Variants in CORIN observed in about 807,000 individuals in gnomAD.
The protein encoded by CORIN is atrial natriuretic peptide-converting enzyme.
In CORIN, 117 loss-of-function variants were observed where a neutral mutation model predicts 125.3. The observed-to-expected ratio is 0.93, with a 90% CI of 0.80 to 1.09. CORIN has a LOEUF of 1.09. Among genes scored for constraint, CORIN ranks in the 50% least tolerant of loss-of-function variants. The pLI is 0.00. For synonymous variants in CORIN, 450 were observed against 466.4 expected (o/e 0.96, Z 0.45); for missense variants, 1,253 against 1,306.7 (o/e 0.96, Z 0.63).
At chr4:47,836,834 C>T (rs973333547) in intron 1 of CORIN, among the ~76,000 whole-genome samples, 2 of 152,162 alleles carry the variant, frequency 1.3e-5, no homozygotes, top group Non-Finnish European at 2.9e-5. Context: ...GGAACTGGGT[C>T]CCAGTAAGAT....
At chr4:47,626,982 T>C (rs1187325651) in intron 16 of CORIN, among the ~76,000 whole-genome samples, 1 of 123,870 alleles carries the variant, frequency 8.1e-6, no homozygotes, top group East Asian at 2.9e-4. Flanking sequence ...GTTGTTGTTG[T>C]TGTTGTTGTT....
At chr4:47,751,513 T>G (rs1024191900) in intron 4 of CORIN, among the ~76,000 whole-genome samples, 1 of 152,208 alleles carries the variant, frequency 6.6e-6, no homozygotes, top group Non-Finnish European at 1.5e-5. Flanking sequence ...CTCTAATATA[T>G]GGTAGATCTG....
At chr4:47,612,816 CAGAT>C (rs965413896) in intron 19 of CORIN, among the ~76,000 whole-genome samples, 4 of 152,176 alleles carry the variant, frequency 2.6e-5, no homozygotes, top group Non-Finnish European at 4.4e-5. Flanking sequence ...CATAAGGTGA[CAGAT>C]AGCAGGAAGA....
At chr4:47,664,929 G>T in intron 11 of CORIN, 103 bp downstream of exon 11, 1 of 662,262 alleles carries the variant, frequency 1.5e-6, no homozygotes, top group Non-Finnish European at 2.6e-6. Context: ...GATAAATGCA[G>T]AGCTCCTTAG....
intron 12 of CORIN, among the ~76,000 whole-genome samples, chr4:47,654,322 C>A (rs1723864999): frequency 6.7e-6 from 1 of 149,130 alleles, no homozygotes; most frequent in Admixed American, 6.9e-5. Context: ...GAACACCAAC[C>A]TGAACAGCAT....
intron 19 of CORIN, among the ~76,000 whole-genome samples, chr4:47,604,517 T>C (rs17572234): frequency 0.088 from 13,452 of 152,264 alleles, 680 homozygotes; most frequent in African/African-American, 0.13. Flanking sequence ...CCAACATTTA[T>C]TGAGGGCTTA....
intron 19 of CORIN, among the ~76,000 whole-genome samples, chr4:47,610,034 T>C (rs1449699135): frequency 6.6e-6 from 1 of 152,236 alleles, no homozygotes; most frequent in Non-Finnish European, 1.5e-5. Flanking sequence ...TTCTATGTCA[T>C]TGCTATTGTG....
chr4:47,648,494 A>C (rs780808023), intron 13 of CORIN, among the ~76,000 whole-genome samples: 8 of 152,088 alleles, frequency 5.3e-5, no homozygotes, highest in African/African-American at 1.4e-4. Flanking sequence ...TGCTTACTCT[A>C]TCTCTCATTT....
Position 47,735,764 on chromosome 4 carries a change from C to T in CORIN, c.799+8638G>A, listed in dbSNP as rs983535044. 9.2e-5 allele frequency among the ~76,000 whole-genome samples: 14 copies of T among 151,840 alleles called. No individual in the cohort carries two copies. In the East Asian group the frequency reaches 2.5e-3, roughly 27 times the overall value. ...TGAAACCACGTCTCTACTAAAAATA[C>T]AAAAAATTAGCCGGAAGTGGTGGTG... is the stretch of plus-strand genomic sequence containing the variant. On this transcript the variant is annotated intron_variant, in intron 5 of 21. Transcript: ENST00000273857.
intron 10 of CORIN, among the ~76,000 whole-genome samples, chr4:47,671,727 G>T (rs925638647): frequency 2.0e-5 from 3 of 152,148 alleles, no homozygotes; most frequent in Admixed American, 6.5e-5. Context: ...TGGGACTACA[G>T]GCGCCCGCCA....
intron 1 of CORIN, 37 bp downstream of exon 1, chr4:47,837,850 A>G (rs764152272): frequency 2.0e-5 from 31 of 1,584,696 alleles, no homozygotes; most frequent in Non-Finnish European, 2.6e-5. Context: ...AGGCCATCAC[A>G]CCTGGCTGCG....
At chr4:47,688,235 C>T (rs780213933) in intron 6 of CORIN, among the ~76,000 whole-genome samples, 7 of 152,138 alleles carry the variant, frequency 4.6e-5, no homozygotes, top group Non-Finnish European at 1.0e-4. Context: ...CCTGCTGCTG[C>T]CTTTTTTTGT....
intron 5 of CORIN, among the ~76,000 whole-genome samples, chr4:47,741,829 T>G (rs1428672573): frequency 6.6e-6 from 1 of 152,038 alleles, no homozygotes; most frequent in Non-Finnish European, 1.5e-5. Flanking sequence ...CTGTATGATT[T>G]AATTCATATT....
chr4:47,614,918 G>A lies in CORIN; in HGVS notation c.2540+8653C>T, dbSNP rs560058255. Among the ~76,000 whole-genome samples, 6 of 152,160 alleles carry A rather than the reference G, an allele frequency of 3.9e-5. No individual in the cohort carries two copies. In the South Asian group the frequency reaches 6.2e-4, roughly 16 times the overall value. On this transcript the variant is annotated intron_variant, in intron 19 of 21. Coordinates refer to ENST00000273857, the MANE Select transcript of CORIN (RefSeq NM_006587.4). ...GTACATAAACAAATAAGATTATCTC[G>A]GGCACTTAGAAGTAAAAAAATATAT... is the stretch of plus-strand genomic sequence containing the variant.
intron 5 of CORIN, chr4:47,706,516 C>T (rs2109768819): frequency 6.2e-7 from 1 of 1,611,518 alleles, no homozygotes; most frequent in Non-Finnish European, 8.5e-7. Context: ...TGATAAAGCG[C>T]GCCAACTGGG....
intron 4 of CORIN, among the ~76,000 whole-genome samples, chr4:47,749,474 A>G (rs1023034936): frequency 9.8e-5 from 15 of 152,308 alleles, no homozygotes; most frequent in African/African-American, 2.6e-4. Flanking sequence ...TCCAAGAATC[A>G]CATGAGCTTG....
rs541754126 is a variant in CORIN, at chr4:47,667,977, G to A, written c.1358-2714C>T. 2.0e-5 allele frequency among the ~76,000 whole-genome samples: 3 copies of A among 152,290 alleles called. No individual in the cohort carries two copies. The South Asian group carries it at 6.2e-4, about 32-fold the overall frequency. Reference sequence around the variant, plus strand: ...GGTACAGCCCCCAAGAATGGGATTAGTGCCCTTATAAAAGGGACCACACAG... The same window carrying A: ...GGTACAGCCCCCAAGAATGGGATTAATGCCCTTATAAAAGGGACCACACAG... On this transcript the variant is annotated intron_variant, in intron 10 of 21. Coordinates refer to ENST00000273857, the MANE Select transcript of CORIN (RefSeq NM_006587.4).
At chr4:47,731,596 C>G (rs1332310232) in intron 5 of CORIN, among the ~76,000 whole-genome samples, 2 of 152,162 alleles carry the variant, frequency 1.3e-5, no homozygotes, top group African/African-American at 4.8e-5. Flanking sequence ...GCTGGCCGGG[C>G]ACGGTGGCTC....
intron 3 of CORIN, among the ~76,000 whole-genome samples, chr4:47,785,552 A>G (rs1447524391): frequency 1.3e-5 from 2 of 152,174 alleles, no homozygotes; most frequent in Non-Finnish European, 2.9e-5. Context: ...ATGTAAAATA[A>G]ATTTTACAGC....
Sources: gnomAD v4.1 joint callset for allele counts (sites outside exome capture counted in the v4.1 genomes callset) on GRCh38, gnomAD v4.1.1 for gene constraint, MANE v1.5 for transcripts, NCBI Gene and HGNC (gene_info 2026-07-23, HGNC 2026-07-21) for gene names.